Variants in SRM observed in about 807,000 individuals in gnomAD.
SRM encodes the protein putrescine aminopropyltransferase.
SRM carries 14 observed loss-of-function variants against 39.3 expected under a neutral mutation model. That is an observed-to-expected ratio of 0.36 (90% confidence interval 0.24 to 0.56). The LOEUF is 0.56. Among genes scored for constraint, SRM ranks in the 20% least tolerant of loss-of-function variants. The pLI is 0.86. For synonymous variants in SRM, 195 were observed against 173.1 expected (o/e 1.13, Z -0.99); for missense variants, 244 against 409.2 (o/e 0.60, Z 3.48).
intron 3 of SRM, among the ~76,000 whole-genome samples, chr1:11,057,865 G>A (rs1054564272): frequency 9.9e-5 from 15 of 151,632 alleles, no homozygotes; most frequent in African/African-American, 3.4e-4. Flanking sequence ...TGCAACTTCC[G>A]CCTCCCGGGC....
chr1:11,055,959 G>A lies in SRM; in HGVS notation c.620-33C>T, dbSNP rs758103287. On this transcript the variant is annotated intron_variant, in intron 5 of 7. Transcript: ENST00000376957. ...CCCCTAAGCATCAGCATCCGGCAGG[G>A]CCTGCCCTGCCCCACCCCGCCCCGC... The A allele has an allele frequency of 1.0e-5, 16 of 1,588,776 alleles. No individual in the cohort carries two copies. In the South Asian group the frequency reaches 1.7e-4, roughly 17 times the overall value.
chr1:11,059,593 C>G (rs990164472), intron 1 of SRM, 184 bp downstream of exon 1: 50 of 929,374 alleles, frequency 5.4e-5, no homozygotes, highest in Non-Finnish European at 7.5e-5. Flanking sequence ...TCCGACTCCC[C>G]CACCCAAGAG....
chr1:11,058,669 TC>T, intron 3 of SRM, 130 bp downstream of exon 3: 1 of 724,312 alleles, frequency 1.4e-6, no homozygotes, highest in Non-Finnish European at 2.2e-6. Context: ...TACTGAACCC[TC>T]CCCGACCAGG....
At position 11,054,869 on chromosome 1, in the gene SRM, C is replaced by A; in HGVS notation, c.905G>T (p.Ser302Ile). The change falls in exon 8 of 8, where the codon AGC becomes ATC. Residue 302 changes from serine (S) to isoleucine (I), a missense_variant. Physicochemically the swap from Ser to Ile is moderately radical, Grantham distance 142 (BLOSUM62 -2). Transcript: ENST00000376957. This position sits in a 1 kb window ranked among gnomAD's most constrained non-coding sequence, Gnocchi z 4.8. ...CATCAGTGGTGGCGCCTGGGCTCAGCTCACATCATTCAGGGCCTGGAGGGA... is the reference window on the plus strand; with the variant it reads ...CATCAGTGGTGGCGCCTGGGCTCAGATCACATCATTCAGGGCCTGGAGGGA... ...EFARKALNDV[S>I] 1.2e-6 allele frequency: 2 copies of A among 1,608,764 alleles called. No individual in the cohort carries two copies. Among genetic ancestry groups the A allele is most frequent in the Admixed American group, 1.7e-5 (1 of 59,768 alleles).
At chr1:11,056,186 G>T in intron 4 of SRM, 92 bp from the exon 5 acceptor site, 1 of 1,225,480 alleles carries the variant, frequency 8.2e-7, no homozygotes, top group South Asian at 1.5e-5. Context: ...CCAGAGCCAG[G>T]ATCTGAACCC....
At chr1:11,056,512 A>T (rs1253301690) in intron 4 of SRM, 92 bp downstream of exon 4, 1 of 1,491,400 alleles carries the variant, frequency 6.7e-7, no homozygotes, top group Non-Finnish European at 9.1e-7. Context: ...GGGGGGTGGG[A>T]GGCCGCTCTA....
chr1:11,055,219 G>A, intron 6 of SRM, 135 bp from the exon 7 acceptor site: 1 of 1,314,176 alleles, frequency 7.6e-7, no homozygotes, highest in Non-Finnish European at 1.0e-6. Context: ...CCAGGTTCAA[G>A]TGATTCTCCT....
chr1:11,055,818 C>G lies in SRM; in HGVS notation c.728G>C (p.Ser243Thr), dbSNP rs761734266. 1 of 1,610,896 alleles carries G rather than the reference C, an allele frequency of 6.2e-7. No individual in the cohort carries two copies. The highest frequency in any genetic ancestry group is 8.5e-7 in the Non-Finnish European group (1 of 1,178,972). Reference protein sequence around the residue: ...YAYCTIPTYPSGQIGFMLCSK... With the variant: ...YAYCTIPTYPTGQIGFMLCSK... The stretch of plus-strand genomic sequence containing the variant: ...GCACAGCATGAAGCCGATCTGGCCG[C>G]TGGGGTAGGTGGGGATGGTGCAGTA... Residue 243 changes from serine (S) to threonine (T), a missense_variant, in exon 6 of 8, where the codon AGC becomes ACC. Ser to Thr is a moderately conservative substitution (Grantham distance 58). Transcript: ENST00000376957.
chr1:11,059,933 C>T lies in SRM; in HGVS notation c.11G>A (p.Gly4Asp). ...GCCGGAGGCGGCGGGGCCGTCGGGG[C>T]CGGGCTCCATGGCGGGCGGGCGGGC... MEPGPDGPAASGPA... is the reference protein window; with the variant it reads MEPDPDGPAASGPA... Residue 4 changes from glycine (G) to aspartate (D), a missense_variant, in exon 1 of 8, where the codon GGC becomes GAC. Transcript: ENST00000376957. 6 of 1,190,264 alleles carry T rather than the reference C, an allele frequency of 5.0e-6. No homozygotes were observed. The highest frequency in any genetic ancestry group is 6.2e-6 in the Non-Finnish European group (6 of 963,232). The allele number at this position is 1,190,264 out of a possible 1,614,324, so 73.7% of individuals were successfully genotyped here. A position where few individuals can be genotyped will look rare whatever the true frequency, so the allele number is the denominator to read the frequency against.
intron 3 of SRM, among the ~76,000 whole-genome samples, chr1:11,058,075 G>C (rs1638911235): frequency 6.6e-6 from 1 of 152,110 alleles, no homozygotes; most frequent in Admixed American, 6.6e-5. Flanking sequence ...CACCACGTCT[G>C]GCCATCTGAT....
At chr1:11,058,561 C>CAA (rs55958066) in intron 3 of SRM, 979 of 182,718 alleles carry the variant, frequency 5.4e-3, no homozygotes, top group East Asian at 7.8e-3. Flanking sequence ...AACTCTGTCT[C>CAA]AAAAAAAAAA....
chr1:11,055,595 T>A (rs576073265), intron 6 of SRM, among the ~76,000 whole-genome samples, 186 bp downstream of exon 6: 1 of 152,218 alleles, frequency 6.6e-6, no homozygotes, highest in Admixed American at 6.5e-5. Flanking sequence ...TTTTGTATTT[T>A]TAGTAGAGAC....
intron 6 of SRM, 50 bp from the exon 7 acceptor site, chr1:11,055,134 T>C (rs1278973284): frequency 2.0e-6 from 3 of 1,529,686 alleles, no homozygotes; most frequent in Non-Finnish European, 2.6e-6. Flanking sequence ...TTTTTTTTTT[T>C]TTTTGAGACG....
At chr1:11,056,171 G>T in intron 4 of SRM, 77 bp from the exon 5 acceptor site, 1 of 1,364,372 alleles carries the variant, frequency 7.3e-7, no homozygotes, top group Non-Finnish European at 9.9e-7. Context: ...ACAGCTACCA[G>T]GTGGCCAGAG....
chr1:11,056,855 G>A lies in SRM; in HGVS notation c.382-98C>T, dbSNP rs189386362. ...TCTCCAAGTGCCTCACAGGCAAGCC[G>A]CCTTGGCCAACCCCTTCCCTTTTTT... is the stretch of plus-strand genomic sequence containing the variant. On this transcript the variant is annotated intron_variant, in intron 3 of 7. Transcript: ENST00000376957. 2,643 of 1,297,864 alleles carry A rather than the reference G, an allele frequency of 2.0e-3. 5 individuals carry two copies. The highest frequency in any genetic ancestry group is 2.6e-3 in the Non-Finnish European group (2,386 of 923,894). 80.4% of individuals were successfully genotyped at this position (1,297,864 alleles called of 1,614,324 possible).
chr1:11,056,503 G>T, intron 4 of SRM, 101 bp downstream of exon 4: 1 of 1,418,656 alleles, frequency 7.0e-7, no homozygotes, highest in East Asian at 2.3e-5. Flanking sequence ...CTCTAGTTCG[G>T]GGGGTGGGAG....
rs752573867 is a variant in SRM at position 11,059,262 on chromosome 1, G to A, written c.251C>T (p.Ala84Val). Residue 84 changes from alanine (A) to valine (V), a missense_variant, in exon 2 of 8, where the codon GCC (alanine) becomes GTC (valine). Transcript: ENST00000376957. ...GGGGTGGCTGCAGAGAGGCAGGTTG[G>A]CGATCATCTCCTGGTAGGAGAACTC... ...RDEFSYQEMI[A>V]NLPLCSHPNP... 1 of 1,613,502 alleles carries A rather than the reference G, an allele frequency of 6.2e-7. No homozygotes were observed. Among genetic ancestry groups the A allele is most frequent in the South Asian group, 1.1e-5 (1 of 91,086 alleles).
At chr1:11,059,634 G>C in intron 1 of SRM, 143 bp downstream of exon 1, 1 of 1,069,262 alleles carries the variant, frequency 9.4e-7, no homozygotes, top group Non-Finnish European at 1.3e-6. Context: ...CCAGCCCAGG[G>C]AGGCGGTGTG....
At chr1:11,059,521 AC>A (rs1351636201) in intron 1 of SRM, 176 bp from the exon 2 acceptor site, 1 of 1,121,438 alleles carries the variant, frequency 8.9e-7, no homozygotes, top group Non-Finnish European at 1.3e-6. Context: ...CCGGGGTGGG[AC>A]CCGGGGTCTC....
Sources: allele counts gnomAD v4.1 joint callset (sites outside exome capture counted in the v4.1 genomes callset), GRCh38; gene constraint gnomAD v4.1.1; non-coding constraint Gnocchi (gnomAD v3.1); transcripts MANE v1.5; gene names NCBI Gene and HGNC (gene_info 2026-07-23, HGNC 2026-07-21).